The following PDLIM5 variants were observed in gnomAD, a reference collection of about 807,000 sequenced individuals.
PDLIM5 encodes PDZ and LIM domain 5.
Under a neutral mutation model 64.2 loss-of-function variants are expected in PDLIM5, and 34 were observed. That is an observed-to-expected ratio of 0.53 (90% CI 0.40 to 0.71). The LOEUF (loss-of-function observed/expected upper bound fraction) is 0.71. Ranked by LOEUF, PDLIM5 falls within the 30% of genes least tolerant of loss-of-function variation. The pLI is 0.00. For synonymous variants in PDLIM5, 253 were observed against 269.1 expected, an observed-to-expected ratio of 0.94 and a Z score of 0.59; for missense variants, 683 against 733.6, an observed-to-expected ratio of 0.93 and a Z score of 0.80.
chr4:94,579,882 A>G (rs1735597496), intron 5 of PDLIM5, among the ~76,000 whole-genome samples: 1 of 152,176 alleles, frequency 6.6e-6, no homozygotes. Flanking sequence ...CTAGTGAATA[A>G]CATGTAAAAC....
rs752588919 is a variant in PDLIM5, at chr4:94,575,713, G to A, written c.389G>A (p.Arg130Gln). 63 of 1,613,708 alleles carry A rather than the reference G, an allele frequency of 3.9e-5. No homozygotes were observed. Among genetic ancestry groups the A allele is most frequent in the Admixed American group, 6.7e-5 (4 of 59,966 alleles). Residue 130 changes from arginine (R) to glutamine (Q), a missense_variant, in exon 5 of 13, where the codon CGG becomes CAG. Coordinates refer to ENST00000317968, the MANE Select transcript of PDLIM5 (RefSeq NM_006457.5). ...TNNMAYNKAP[R>Q]PFGSVSSPKV... ...AACATGGCCTACAATAAGGCACCAC[G>A]GCCTTTTGGTTCTGTGTCTTCACCA...
At chr4:94,499,530 A>G (rs972376958) in intron 2 of PDLIM5, among the ~76,000 whole-genome samples, 1 of 152,246 alleles carries the variant, frequency 6.6e-6, no homozygotes, top group African/African-American at 2.4e-5. Context: ...GTATAACAAC[A>G]GTTTACATAG....
At chr4:94,506,445 A>G (rs1399849494) in intron 2 of PDLIM5, among the ~76,000 whole-genome samples, 2 of 152,200 alleles carry the variant, frequency 1.3e-5, no homozygotes, top group East Asian at 3.9e-4. Flanking sequence ...TCAGTGTCTC[A>G]TGAAGGCTCA....
intron 7 of PDLIM5, among the ~76,000 whole-genome samples, chr4:94,589,732 CTTTCT>C (rs61103869): frequency 0.38 from 56,020 of 148,492 alleles, 11,255 homozygotes; most frequent in South Asian, 0.62. Flanking sequence ...CTCTTTCTTT[CTTTCT>C]TTTCTTTTCT....
intron 5 of PDLIM5, 24 bp downstream of exon 5, chr4:94,576,058 C>G (rs932358863): frequency 6.3e-6 from 10 of 1,583,530 alleles, no homozygotes; most frequent in Non-Finnish European, 8.6e-6. Context: ...GTGCTTTCTG[C>G]TCTTACTAAA....
intron 11 of PDLIM5, among the ~76,000 whole-genome samples, chr4:94,658,431 T>C (rs1460267157): frequency 6.6e-6 from 1 of 152,230 alleles, no homozygotes; most frequent in Non-Finnish European, 1.5e-5. Context: ...TTTTATAACA[T>C]TTATTAATAG....
intron 2 of PDLIM5, among the ~76,000 whole-genome samples, chr4:94,479,610 C>T (rs777324025): frequency 3.3e-5 from 5 of 152,062 alleles, no homozygotes; most frequent in Non-Finnish European, 7.4e-5. Flanking sequence ...AGATTACAGG[C>T]ATGAGCCACT....
intron 2 of PDLIM5, among the ~76,000 whole-genome samples, chr4:94,488,161 C>T (rs190882501): frequency 1.4e-4 from 21 of 152,202 alleles, no homozygotes; most frequent in African/African-American, 4.3e-4. Context: ...TGCTGAATGG[C>T]GGTTCTGCAT....
At chr4:94,571,588 G>A (rs1328201092) in intron 3 of PDLIM5, among the ~76,000 whole-genome samples, 1 of 152,170 alleles carries the variant, frequency 6.6e-6, no homozygotes, top group African/African-American at 2.4e-5. Flanking sequence ...GTTCAAAGGG[G>A]ATCTGTTATC....
At chr4:94,623,400 C>G (rs1467564943) in intron 8 of PDLIM5, among the ~76,000 whole-genome samples, 1 of 152,154 alleles carries the variant, frequency 6.6e-6, no homozygotes, top group African/African-American at 2.4e-5. Flanking sequence ...CCCTTCTACT[C>G]CTGACAAACT....
chr4:94,584,836 A>G (rs1309682774), intron 5 of PDLIM5: 7 of 606,886 alleles, frequency 1.2e-5, no homozygotes, highest in Non-Finnish European at 2.1e-5. Context: ...TATGGCATAC[A>G]GTGAACAATA....
intron 5 of PDLIM5, chr4:94,579,621 G>C: frequency 8.4e-6 from 5 of 594,798 alleles, no homozygotes; most frequent in Non-Finnish European, 1.4e-5. Flanking sequence ...GCAAAATTAA[G>C]TTAAATTTTG....
intron 3 of PDLIM5, among the ~76,000 whole-genome samples, chr4:94,561,624 G>GA (rs1461416625): frequency 1.3e-5 from 2 of 152,148 alleles, no homozygotes; most frequent in African/African-American, 4.8e-5. Flanking sequence ...AAATTAATAT[G>GA]ACAGGATCTC....
At chr4:94,646,968 A>G (rs1741464728) in intron 9 of PDLIM5, among the ~76,000 whole-genome samples, 1 of 152,114 alleles carries the variant, frequency 6.6e-6, no homozygotes, top group African/African-American at 2.4e-5. Context: ...TTACTTTCCC[A>G]CTTTCCCCAA....
chr4:94,597,085 A>G (rs1196759021), intron 7 of PDLIM5, among the ~76,000 whole-genome samples: 1 of 152,122 alleles, frequency 6.6e-6, no homozygotes, highest in Non-Finnish European at 1.5e-5. Context: ...GGAATTTTCA[A>G]GTTAGTGGTA....
intron 3 of PDLIM5, among the ~76,000 whole-genome samples, chr4:94,554,435 CATATGTACTCATTTAT>C (rs1733081294): frequency 6.6e-6 from 1 of 152,058 alleles, no homozygotes. Context: ...TTTTTCTCTT[CATATGTACTCATTTAT>C]ATATGTATAT....
At chr4:94,615,755 G>A (rs1403426080) in intron 7 of PDLIM5, among the ~76,000 whole-genome samples, 6 of 152,128 alleles carry the variant, frequency 3.9e-5, no homozygotes, top group Non-Finnish European at 7.4e-5. Context: ...GCCTCATTAG[G>A]AACAGATTTT....
intron 3 of PDLIM5, among the ~76,000 whole-genome samples, chr4:94,526,782 A>G (rs1285637367): frequency 2.7e-5 from 4 of 148,096 alleles, no homozygotes; most frequent in African/African-American, 7.6e-5. Context: ...CCCAGGCTGG[A>G]GTGCAGTTGG....
chr4:94,487,739 C>CGGT (rs1192194830), intron 2 of PDLIM5, among the ~76,000 whole-genome samples: 1 of 152,118 alleles, frequency 6.6e-6, no homozygotes, highest in Non-Finnish European at 1.5e-5. Context: ...ATCATTCCTA[C>CGGT]GGTGGTGGTG....
Sources: allele counts gnomAD v4.1 joint callset (sites outside exome capture counted in the v4.1 genomes callset), GRCh38; gene constraint gnomAD v4.1.1; transcripts MANE v1.5; gene names NCBI Gene and HGNC (gene_info 2026-07-23, HGNC 2026-07-21).